LUZP2: variants seen among roughly 807,000 people sequenced by gnomAD.
LUZP2 encodes leucine zipper protein 2.
LUZP2 carries 52 observed loss-of-function variants against 51.6 expected under a neutral mutation model. The observed-to-expected ratio is 1.01, with a 90% CI of 0.81 to 1.27. The LOEUF (loss-of-function observed/expected upper bound fraction) is 1.27. Ranked by LOEUF, LUZP2 falls within the 50% of genes most tolerant of loss-of-function variation. LUZP2 has a pLI of 0.00. For synonymous variants in LUZP2, 154 were observed against 137.3 expected, an observed-to-expected ratio of 1.12 and a Z score of -0.85; for missense variants, 436 against 395.4, an observed-to-expected ratio of 1.10 and a Z score of -0.87.
At chr11:24,792,059 G>A (rs1341433117) in intron 5 of LUZP2, among the ~76,000 whole-genome samples, 5 of 149,574 alleles carry the variant, frequency 3.3e-5, no homozygotes, top group East Asian at 2.0e-4. Flanking sequence ...AAAATTATCC[G>A]ATCATTTCTT....
At chr11:25,011,962 T>C (rs554780039) in intron 9 of LUZP2, among the ~76,000 whole-genome samples, 12 of 152,188 alleles carry the variant, frequency 7.9e-5, no homozygotes, top group Admixed American at 2.0e-4. Flanking sequence ...ATGGAGATGG[T>C]TAATAACAGG....
intron 5 of LUZP2, among the ~76,000 whole-genome samples, chr11:24,796,875 A>G (rs1849562668): frequency 6.6e-6 from 1 of 151,946 alleles, no homozygotes; most frequent in Non-Finnish European, 1.5e-5. Flanking sequence ...AACAGCAGAA[A>G]CTCTCTGCAT....
chr11:24,649,494 G>A (rs1855560091), intron 1 of LUZP2, among the ~76,000 whole-genome samples: 1 of 151,908 alleles, frequency 6.6e-6, no homozygotes, highest in South Asian at 2.1e-4. Context: ...ACCCCCCAGT[G>A]TGAATTTTAA....
chr11:24,897,266 A>T (rs1853099361), intron 5 of LUZP2, among the ~76,000 whole-genome samples: 1 of 152,218 alleles, frequency 6.6e-6, no homozygotes, highest in South Asian at 2.1e-4. Flanking sequence ...AGCAGGATGC[A>T]GGTGGGGTCA....
intron 5 of LUZP2, among the ~76,000 whole-genome samples, chr11:24,815,883 C>T (rs1202306595): frequency 1.3e-5 from 2 of 151,904 alleles, no homozygotes; most frequent in Non-Finnish European, 2.9e-5. Context: ...TGTACTTAAA[C>T]TGTTTAATCA....
chr11:24,723,320 A>G (rs1858347700), intron 1 of LUZP2, among the ~76,000 whole-genome samples: 1 of 152,204 alleles, frequency 6.6e-6, no homozygotes, highest in South Asian at 2.1e-4. Flanking sequence ...GTTATTTGCT[A>G]AAGTAGAACA....
At chr11:24,964,464 A>G (rs6484088) in intron 7 of LUZP2, among the ~76,000 whole-genome samples, 56,545 of 152,008 alleles carry the variant, frequency 0.37, 12,702 homozygotes, top group East Asian at 0.7. Context: ...ATTAATTTTC[A>G]TAATTGATCA....
rs147809416 is a variant in LUZP2, at chr11:25,008,162, G to A, written c.765+24869G>A. Among the ~76,000 whole-genome samples, 442 of 152,312 alleles carry A rather than the reference G, an allele frequency of 2.9e-3. 3 individuals are homozygous for A. Among genetic ancestry groups the A allele is most frequent in the African/African-American group, 0.01 (416 of 41,562 alleles). Reference sequence around the variant, plus strand: ...TTGCTCTGCCCACTCGGCCTATTGGGCTGCACTCAGCTCATGCTACTGGCC... The same window carrying A: ...TTGCTCTGCCCACTCGGCCTATTGGACTGCACTCAGCTCATGCTACTGGCC... On this transcript the variant is annotated intron_variant, in intron 9 of 11. Coordinates refer to ENST00000336930, the MANE Select transcript of LUZP2 (RefSeq NM_001009909.4).
Position 24,759,332 on chromosome 11 carries a change from A to G in LUZP2, c.334-3914A>G, listed in dbSNP as rs554267367. Among the ~76,000 whole-genome samples the G allele has an allele frequency of 2.3e-4, 35 of 152,284 alleles. 1 individual carries two copies. The highest frequency in any genetic ancestry group is 1.2e-3 in the South Asian group (6 of 4,832). On this transcript the variant is annotated intron_variant, in intron 4 of 11. Coordinates refer to ENST00000336930, the MANE Select transcript of LUZP2 (RefSeq NM_001009909.4). ...ATTTTCTGTTTCTGAGAATTATTGT[A>G]TAACTATCAATAGGAATGCTTATTC...
intron 1 of LUZP2, among the ~76,000 whole-genome samples, chr11:24,699,659 A>ATATG (rs1857361688): frequency 1.4e-5 from 2 of 147,834 alleles, no homozygotes; most frequent in African/African-American, 2.5e-5. Context: ...TTGGCCATAT[A>ATATG]TATATATACA....
At chr11:25,008,429 C>T (rs754480384) in intron 9 of LUZP2, among the ~76,000 whole-genome samples, 11 of 152,140 alleles carry the variant, frequency 7.2e-5, no homozygotes, top group Non-Finnish European at 1.3e-4. Context: ...ATTGAGGGGG[C>T]GTGTTCCAGC....
intron 1 of LUZP2, among the ~76,000 whole-genome samples, chr11:24,694,786 C>T (rs1198032702): frequency 1.3e-5 from 2 of 152,032 alleles, no homozygotes; most frequent in African/African-American, 4.8e-5. Context: ...ATGGATGAAG[C>T]TGGAAACCAT....
intron 4 of LUZP2, among the ~76,000 whole-genome samples, chr11:24,745,890 A>G (rs1466206504): frequency 6.6e-6 from 1 of 151,844 alleles, no homozygotes; most frequent in Non-Finnish European, 1.5e-5. Context: ...GTTGGCCAGG[A>G]TGGTCTTGAA....
intron 1 of LUZP2, among the ~76,000 whole-genome samples, chr11:24,609,690 A>G (rs1423475590): frequency 2.1e-5 from 3 of 140,376 alleles, no homozygotes; most frequent in East Asian, 2.2e-4. Flanking sequence ...AGATCACACC[A>G]CTGCACTCCA....
At chr11:24,869,466 A>T (rs888133342) in intron 5 of LUZP2, among the ~76,000 whole-genome samples, 4 of 151,874 alleles carry the variant, frequency 2.6e-5, no homozygotes, top group African/African-American at 9.7e-5. Context: ...TATTATTATT[A>T]TCATTATTTA....
At chr11:24,703,853 A>C (rs1288152206) in intron 1 of LUZP2, among the ~76,000 whole-genome samples, 2 of 54,020 alleles carry the variant, frequency 3.7e-5, no homozygotes, top group African/African-American at 1.6e-4. Context: ...ACAAACAAAC[A>C]AAAAAAACGA....
intron 1 of LUZP2, among the ~76,000 whole-genome samples, chr11:24,534,981 T>G (rs1401892380): frequency 6.6e-6 from 1 of 151,338 alleles, no homozygotes; most frequent in Non-Finnish European, 1.5e-5. Context: ...TCCAGACCAC[T>G]TCAATAAAAT....
chr11:24,832,107 G>C (rs1850720981), intron 5 of LUZP2: 1 of 152,090 alleles, frequency 6.6e-6, no homozygotes, highest in African/African-American at 2.4e-5. Flanking sequence ...CTATAAAATT[G>C]GATATAATAA....
At chr11:24,717,830 TA>T (rs1858113582) in intron 1 of LUZP2, among the ~76,000 whole-genome samples, 1 of 150,954 alleles carries the variant, frequency 6.6e-6, no homozygotes, top group South Asian at 2.1e-4. Context: ...ACCTCCTACT[TA>T]TAAACGAGAG....
Sources: gnomAD v4.1 joint callset for allele counts (sites outside exome capture counted in the v4.1 genomes callset) on GRCh38, gnomAD v4.1.1 for gene constraint, MANE v1.5 for transcripts, NCBI Gene and HGNC (gene_info 2026-07-23, HGNC 2026-07-21) for gene names.